SYCP3: variants seen among roughly 807,000 people sequenced by gnomAD.
The protein encoded by SYCP3 is synaptonemal complex protein 3.
In SYCP3, 29 loss-of-function variants were observed where a neutral mutation model predicts 38.5. The ratio of observed to expected loss-of-function variants is 0.75; its 90% CI spans 0.56 to 1.03. The LOEUF (loss-of-function observed/expected upper bound fraction) is 1.03, where lower values mean the gene tolerates loss of function less well. Ranked by LOEUF, SYCP3 falls within the 50% of genes least tolerant of loss-of-function variation. The pLI, the probability that SYCP3 is intolerant of heterozygous loss-of-function variation, is 0.00. For missense variants in SYCP3, 242 were observed against 270.7 expected, an observed-to-expected ratio of 0.89 and a Z score of 0.74; for synonymous variants, 79 against 80.3, an observed-to-expected ratio of 0.98 and a Z score of 0.08.
In SYCP3 at chr12:101,735,870, TA is replaced by T. The variant is rs1454706819; in HGVS notation, c.236-827del. 5.4e-4 allele frequency among the ~76,000 whole-genome samples: 54 copies of T among 100,150 alleles called. 2 individuals carry two copies. Among genetic ancestry groups the T allele is most frequent in the Admixed American group, 1.6e-3 (16 of 10,126 alleles). 65.7% of individuals were successfully genotyped at this position (100,150 alleles called of 152,430 possible). On this transcript the variant is annotated intron_variant, in intron 4 of 8. Transcript: ENST00000392924. Reference sequence around the variant, plus strand: ...TCAATTTTATATATATATATATATATATTTTTTTTTTTTTAAAGACACGGGG... The same window carrying T: ...TCAATTTTATATATATATATATATATTTTTTTTTTTTTTAAAGACACGGGG...
chr12:101,734,617 A>C (rs1400570156), intron 5 of SYCP3, among the ~76,000 whole-genome samples: 2 of 152,028 alleles, frequency 1.3e-5, no homozygotes, highest in Non-Finnish European at 2.9e-5. Flanking sequence ...GTTTTTTTTG[A>C]CAGAGTCTCA....
chr12:101,737,731 G>A (rs1366943817), intron 2 of SYCP3, 72 bp downstream of exon 2: 10 of 1,603,252 alleles, frequency 6.2e-6, no homozygotes, highest in Non-Finnish European at 8.5e-6. Context: ...AAACTAAGTT[G>A]TACGATAGTC....
Position 101,731,593 on chromosome 12 carries a change from T to A in SYCP3, c.527A>T (p.Lys176Ile). 1 of 1,606,916 alleles carries A rather than the reference T, an allele frequency of 6.2e-7. No individual in the cohort carries two copies. The highest frequency in any genetic ancestry group is 8.5e-7 in the Non-Finnish European group (1 of 1,178,002). The change falls in exon 7 of 9, where the codon AAA (lysine) becomes ATA (isoleucine). Residue 176 changes from lysine to isoleucine, a missense_variant. Physicochemically the swap from Lys to Ile is moderately radical, Grantham distance 102 (BLOSUM62 -3). Coordinates refer to ENST00000392924, the MANE Select transcript of SYCP3 (RefSeq NM_001177949.2). ...CTTTATGAACTGCTCATATAACTGT[T>A]TAATTGTTTTCAATCTCTGGCTCTG... Reference protein sequence around the residue: ...IVQSQRLKTIKQLYEQFIKSM... With the variant: ...IVQSQRLKTIIQLYEQFIKSM...
chr12:101,739,038 G>A (rs374382155), intron 1 of SYCP3, among the ~76,000 whole-genome samples: 1 of 152,206 alleles, frequency 6.6e-6, no homozygotes, highest in Non-Finnish European at 1.5e-5. Context: ...CAAATACATC[G>A]AGGAACCACG....
intron 1 of SYCP3, 162 bp downstream of exon 1, chr12:101,739,189 C>T: frequency 3.2e-6 from 1 of 314,122 alleles, no homozygotes; most frequent in Non-Finnish European, 4.6e-6. Flanking sequence ...CGCCCGCTTT[C>T]CACTAGGCCC....
Position 101,728,967 on chromosome 12 carries a change from A to G in SYCP3, c.671T>C (p.Ile224Thr), listed in dbSNP as rs1952057833. The change falls in exon 9 of 9, where the codon ATA (isoleucine) becomes ACA (threonine). Residue 224 changes from isoleucine to threonine, a missense_variant. Ile to Thr is a moderately conservative substitution (Grantham distance 89). Transcript: ENST00000392924. Reference protein sequence around the residue: ...KIMMETQQQEIASVRKSLQSM... With the variant: ...KIMMETQQQETASVRKSLQSM... ...TTGAAGAGACTTCCGAACACTTGCT[A>G]TCTCTTGCTGCTGCTGTTTCATGGA... 1 of 1,613,566 alleles carries G rather than the reference A, an allele frequency of 6.2e-7. No homozygotes were observed. Among genetic ancestry groups the G allele is most frequent in the Non-Finnish European group, 8.5e-7 (1 of 1,179,694 alleles).
chr12:101,729,250 C>A, intron 7 of SYCP3, 37 bp from the exon 8 acceptor site: 1 of 1,586,148 alleles, frequency 6.3e-7, no homozygotes, highest in South Asian at 1.1e-5. Context: ...TACAAAGGAC[C>A]ACTTTTCATC....
chr12:101,734,753 G>T (rs923685968), intron 5 of SYCP3, among the ~76,000 whole-genome samples, 174 bp downstream of exon 5: 2 of 152,078 alleles, frequency 1.3e-5, no homozygotes, highest in Non-Finnish European at 2.9e-5. Flanking sequence ...TCACCATGTT[G>T]GCCAGGCTGG....
intron 2 of SYCP3, 114 bp from the exon 3 acceptor site, chr12:101,737,412 C>T: frequency 2.0e-6 from 2 of 1,007,428 alleles, no homozygotes; most frequent in South Asian, 1.4e-5. Flanking sequence ...TGCCAACATA[C>T]AGTTTCAAAG....
rs749472381 is a variant in SYCP3, at chr12:101,728,850, G to GACTT, written c.*73_*76dup. 20 of 1,589,090 alleles carry GACTT rather than the reference G, an allele frequency of 1.3e-5. No individual in the cohort carries two copies. The highest frequency in any genetic ancestry group is 1.6e-5 in the Non-Finnish European group (18 of 1,159,796). ...GATGTTACAATTAAACTATTCTAAA[G>GACTT]ACTTACAATATGCTTCTTAGCTAAC... On this transcript the variant is annotated 3_prime_UTR_variant, in exon 9 of 9. Coordinates refer to ENST00000392924, the MANE Select transcript of SYCP3 (RefSeq NM_001177949.2).
At chr12:101,729,273 C>G (rs1952078792) in intron 7 of SYCP3, 60 bp from the exon 8 acceptor site, 5 of 1,486,444 alleles carry the variant, frequency 3.4e-6, no homozygotes, top group Non-Finnish European at 4.6e-6. Flanking sequence ...AGGTTCTAAA[C>G]TTGTACAATT....
chr12:101,731,544 A>G, intron 7 of SYCP3, 24 bp downstream of exon 7: 1 of 1,460,038 alleles, frequency 6.8e-7, no homozygotes, highest in South Asian at 1.2e-5. Flanking sequence ...ATAACGATGT[A>G]TTGTGTTACC....
At position 101,737,544 on chromosome 12, in the gene SYCP3, A is replaced by G. The variant is rs1240719569; in HGVS notation, c.134-246T>C. 9 of 644,724 alleles carry G rather than the reference A, an allele frequency of 1.4e-5. No individual in the cohort carries two copies. In the East Asian group the frequency reaches 2.5e-4, roughly 18 times the overall value. The allele number at this position is 644,724 out of a possible 1,614,324, so 39.9% of individuals were successfully genotyped here. A position where few individuals can be genotyped will look rare whatever the true frequency, so the allele number is the denominator to read the frequency against. On this transcript the variant is annotated intron_variant, in intron 2 of 8. Coordinates refer to ENST00000392924, the MANE Select transcript of SYCP3 (RefSeq NM_001177949.2). ...AATGTCACAGTAAGCCACATACTAT[A>G]TATCAGATATTTTGGAAATAACTGC... is the stretch of plus-strand genomic sequence containing the variant.
chr12:101,739,419 C>A lies in SYCP3; in HGVS notation c.-86G>T. 2.0e-6 allele frequency: 2 copies of A among 1,002,798 alleles called. No homozygotes were observed. Among genetic ancestry groups the A allele is most frequent in the Non-Finnish European group, 2.4e-6 (2 of 830,378 alleles). The allele number at this position is 1,002,798 out of a possible 1,614,324, so 62.1% of individuals were successfully genotyped here. ...ACAGGCGTCCTCCACAACTCCTCCA[C>A]AAGCGCGCTTCACCTGAGGTGGCCC... On this transcript the variant is annotated 5_prime_UTR_variant, in exon 1 of 9. Coordinates refer to ENST00000392924, the MANE Select transcript of SYCP3 (RefSeq NM_001177949.2).
chr12:101,729,391 A>G (rs1433140150), intron 7 of SYCP3, 178 bp from the exon 8 acceptor site: 1 of 629,232 alleles, frequency 1.6e-6, no homozygotes, highest in South Asian at 2.1e-5. Flanking sequence ...AAGAAAAAAT[A>G]TAAGACATGA....
chr12:101,733,022 C>G (rs1276306995), intron 6 of SYCP3: 1 of 154,304 alleles, frequency 6.5e-6, no homozygotes, highest in Non-Finnish European at 1.4e-5. Flanking sequence ...ATGCGGAACC[C>G]TTATATACAG....
chr12:101,733,697 A>AT, intron 5 of SYCP3, 23 bp from the exon 6 acceptor site: 3 of 1,592,372 alleles, frequency 1.9e-6, no homozygotes, highest in Non-Finnish European at 2.6e-6. Flanking sequence ...ATGATGAATT[A>AT]TTGTCATATT....
chr12:101,738,262 GA>G (rs34763936), intron 1 of SYCP3, among the ~76,000 whole-genome samples: 20 of 128,308 alleles, frequency 1.6e-4, no homozygotes, highest in South Asian at 2.5e-4. Context: ...CGTCTCTACT[GA>G]AAAAAAAAAA....
chr12:101,733,709 C>A, intron 5 of SYCP3, 35 bp from the exon 6 acceptor site: 1 of 1,573,010 alleles, frequency 6.4e-7, no homozygotes, highest in Non-Finnish European at 8.7e-7. Context: ...TGTCATATTT[C>A]ATACCAATAT....
Sources: gnomAD v4.1 joint callset for allele counts (sites outside exome capture counted in the v4.1 genomes callset) on GRCh38, gnomAD v4.1.1 for gene constraint, MANE v1.5 for transcripts, NCBI Gene and HGNC (gene_info 2026-07-23, HGNC 2026-07-21) for gene names.